Variants in DUSP19 observed in about 807,000 individuals in gnomAD.
The protein encoded by DUSP19 is dual specificity phosphatase 19.
Under a neutral mutation model 16.6 loss-of-function variants are expected in DUSP19, and 14 were observed. That is an observed-to-expected ratio of 0.84 (90% CI 0.56 to 1.32). The LOEUF is 1.32. Ranked by LOEUF, DUSP19 falls within the 40% of genes most tolerant of loss-of-function variation. The pLI is 0.00. For synonymous variants in DUSP19, 81 were observed against 90.5 expected, an observed-to-expected ratio of 0.90 and a Z score of 0.59; for missense variants, 258 against 255.9, an observed-to-expected ratio of 1.01 and a Z score of -0.06.
At position 183,095,913 on chromosome 2, in the gene DUSP19, A is replaced by G; in HGVS notation, c.*255A>G. ...AAGGGAAAATAACAAAGTGTTAGTA[A>G]TCATTGCTTTCTGTAGAAGAAAAAG... On this transcript the variant is annotated 3_prime_UTR_variant, in exon 4 of 4. Coordinates refer to ENST00000354221, the MANE Select transcript of DUSP19 (RefSeq NM_080876.4). 3.7e-6 allele frequency: 1 copy of G among 267,252 alleles called. No individual in the cohort carries two copies. Among genetic ancestry groups the G allele is most frequent in the East Asian group, 6.5e-5 (1 of 15,412 alleles). The allele number at this position is 267,252 out of a possible 1,614,324, so 16.6% of individuals were successfully genotyped here.
chr2:183,086,958 A>G (rs1475575682), intron 2 of DUSP19, 82 bp from the exon 3 acceptor site: 4 of 1,371,458 alleles, frequency 2.9e-6, no homozygotes, highest in East Asian at 2.3e-5. Flanking sequence ...CTTTCTTGTT[A>G]TAGATATCAA....
At position 183,087,127 on chromosome 2, in the gene DUSP19, C is replaced by T. The variant is rs200813256; in HGVS notation, c.361C>T (p.Pro121Ser). 2 of 1,613,378 alleles carry T rather than the reference C, an allele frequency of 1.2e-6. No individual in the cohort carries two copies. The highest frequency in any genetic ancestry group is 4.5e-5 in the East Asian group (2 of 44,796). The part of the protein sequence containing the change: ...TYKSISILDL[P>S]ETNILSYFPE... ...TAAGAGCATTTCTATATTGGATCTGCCTGAAACCAACATCCTGTCTTATTT... is the reference window on the plus strand; with the variant it reads ...TAAGAGCATTTCTATATTGGATCTGTCTGAAACCAACATCCTGTCTTATTT... The change falls in exon 3 of 4, where the codon CCT (proline) becomes TCT (serine). Residue 121 changes from proline to serine, a missense_variant. Pro to Ser is a moderately conservative substitution (Grantham distance 74). Transcript: ENST00000354221.
Position 183,095,723 on chromosome 2 carries a change from C to CT in DUSP19, c.*71dup. ...ATTGACTTCTATAGCCATCTTTTCC[C>CT]TTTTTTGGAGAGTAGACTAGCAAAA... is the stretch of plus-strand genomic sequence containing the variant. On this transcript the variant is annotated 3_prime_UTR_variant, in exon 4 of 4. Transcript: ENST00000354221. 1.5e-6 allele frequency: 2 copies of CT among 1,350,704 alleles called. No homozygotes were observed. The highest frequency in any genetic ancestry group is 2.0e-6 in the Non-Finnish European group (2 of 979,842). 83.7% of individuals were successfully genotyped at this position (1,350,704 alleles called of 1,614,324 possible).
At chr2:183,094,308 G>T (rs556554080) in intron 3 of DUSP19, among the ~76,000 whole-genome samples, 1 of 152,244 alleles carries the variant, frequency 6.6e-6, no homozygotes, top group African/African-American at 2.4e-5. Context: ...ATAATCCAAT[G>T]AGTCATAACA....
rs778809224 is a variant in DUSP19 at position 183,087,171 on chromosome 2, T to C, written c.405T>C (p.Phe135=). Residue 135 remains phenylalanine (F), a synonymous_variant, in exon 3 of 4, where the codon TTT becomes TTC. Coordinates refer to ENST00000354221, the MANE Select transcript of DUSP19 (RefSeq NM_080876.4). ...ILSYFPECFE[F]IEEAKRKDGV... is the part of the protein sequence containing the mutation. ...CTTATTTTCCAGAATGTTTTGAATTTATTGAAGAAGCAAAAAGAAAAGTGA... is the reference window on the plus strand; with the variant it reads ...CTTATTTTCCAGAATGTTTTGAATTCATTGAAGAAGCAAAAAGAAAAGTGA... 5 of 1,612,748 alleles carry C rather than the reference T, an allele frequency of 3.1e-6. No homozygotes were observed. Among genetic ancestry groups the C allele is most frequent in the Middle Eastern group, 1.7e-4 (1 of 6,054 alleles).
intron 2 of DUSP19, among the ~76,000 whole-genome samples, chr2:183,085,489 G>C (rs1170547418): frequency 1.3e-5 from 2 of 152,092 alleles, no homozygotes; most frequent in Non-Finnish European, 2.9e-5. Context: ...CTTGGTGACA[G>C]AGAGGTTGTT....
chr2:183,080,466 A>C (rs1301817008), intron 1 of DUSP19, among the ~76,000 whole-genome samples: 1 of 152,250 alleles, frequency 6.6e-6, no homozygotes, highest in African/African-American at 2.4e-5. Flanking sequence ...TCACATTTAC[A>C]GTGAAAAAGT....
In DUSP19 at chr2:183,098,486, T is replaced by A. The variant is rs986585763; in HGVS notation, c.*2828T>A. The A allele has an allele frequency of 6.6e-6, 1 of 152,240 alleles. No individual in the cohort carries two copies. The highest frequency in any genetic ancestry group is 1.5e-5 in the Non-Finnish European group (1 of 68,036). 9.4% of individuals were successfully genotyped at this position (152,240 alleles called of 1,614,324 possible). ...CCTAGTTATTTTAAAAAAAGAACTT[T>A]ATGATTACGGTCCTCTTTCTCACAT... On this transcript the variant is annotated 3_prime_UTR_variant, in exon 4 of 4. Coordinates refer to ENST00000354221, the MANE Select transcript of DUSP19 (RefSeq NM_080876.4).
chr2:183,084,432 A>AC (rs910869617), intron 2 of DUSP19, among the ~76,000 whole-genome samples: 1 of 152,094 alleles, frequency 6.6e-6, no homozygotes, highest in African/African-American at 2.4e-5. Flanking sequence ...ATCTCAAAAA[A>AC]AAAAAAGAAA....
chr2:183,085,284 T>C (rs1428516421), intron 2 of DUSP19, among the ~76,000 whole-genome samples: 2 of 152,062 alleles, frequency 1.3e-5, no homozygotes, highest in African/African-American at 4.8e-5. Context: ...TTGAGGAATA[T>C]CACCCTATAT....
rs1023583906 is a variant in DUSP19, at chr2:183,079,117, T to C, written c.184T>C (p.Ser62Pro). The C allele has an allele frequency of 3.1e-6, 5 of 1,613,910 alleles. No homozygotes were observed. The African/African-American group carries it at 6.7e-5, about 22-fold the overall frequency. ...TTGTGGTTATGTGCAGGACCTTAGCTCGGACCTGCAAGTTGGCGTTATTAA... is the reference window on the plus strand; with the variant it reads ...TTGTGGTTATGTGCAGGACCTTAGCCCGGACCTGCAAGTTGGCGTTATTAA... The part of the protein sequence containing the change: ...GGCGYVQDLS[S>P]DLQVGVIKPW... Residue 62 changes from serine (S) to proline (P), a missense_variant, in exon 1 of 4, where the codon TCG becomes CCG. Ser to Pro is a moderately conservative substitution (Grantham distance 74, BLOSUM62 -1). Coordinates refer to ENST00000354221, the MANE Select transcript of DUSP19 (RefSeq NM_080876.4).
At chr2:183,083,080 T>TG (rs1699615208) in intron 1 of DUSP19, among the ~76,000 whole-genome samples, 1 of 137,286 alleles carries the variant, frequency 7.3e-6, no homozygotes, top group Non-Finnish European at 1.7e-5. Flanking sequence ...TAAAAAAAAT[T>TG]TTTTTTCTAT....
At chr2:183,091,088 A>G (rs1018162537) in intron 3 of DUSP19, among the ~76,000 whole-genome samples, 2 of 152,136 alleles carry the variant, frequency 1.3e-5, no homozygotes, top group Non-Finnish European at 2.9e-5. Flanking sequence ...ATCATTTAAA[A>G]TTTTTGCACA....
chr2:183,082,814 G>A (rs1311509606), intron 1 of DUSP19, among the ~76,000 whole-genome samples: 7 of 133,186 alleles, frequency 5.3e-5, no homozygotes, highest in Admixed American at 1.5e-4. Context: ...CCTTTTGTTC[G>A]TTCGTTCGTT....
Position 183,095,439 on chromosome 2 carries a change from G to A in DUSP19, c.435G>A (p.Val145=). ...TGTTTTTTTTTTTGTAGGATGGAGT[G>A]GTTCTTGTTCATTGTAATGCAGGCG... ...FIEEAKRKDG[V]VLVHCNAGVS... Residue 145 remains valine, a synonymous_variant, in exon 4 of 4, where the codon GTG becomes GTA. Coordinates refer to ENST00000354221, the MANE Select transcript of DUSP19 (RefSeq NM_080876.4). 6.2e-7 allele frequency: 1 copy of A among 1,601,608 alleles called. No homozygotes were observed. The highest frequency in any genetic ancestry group is 1.7e-4 in the Middle Eastern group (1 of 6,008).
chr2:183,094,429 A>G (rs1699770863), intron 3 of DUSP19, among the ~76,000 whole-genome samples: 1 of 152,166 alleles, frequency 6.6e-6, no homozygotes. Context: ...GAAATGAAGT[A>G]ACTAAAATGT....
intron 3 of DUSP19, among the ~76,000 whole-genome samples, chr2:183,087,840 T>C (rs936623644): frequency 2.0e-5 from 3 of 152,220 alleles, no homozygotes; most frequent in Non-Finnish European, 2.9e-5. Context: ...TCAGGTTTAA[T>C]TGAACTCTGG....
intron 3 of DUSP19, among the ~76,000 whole-genome samples, chr2:183,088,250 T>C (rs1239607295): frequency 1.3e-5 from 2 of 152,166 alleles, no homozygotes; most frequent in African/African-American, 4.8e-5. Flanking sequence ...CCATTCTAGG[T>C]TTGTGTGAGT....
chr2:183,086,838 A>G (rs1303895236), intron 2 of DUSP19, among the ~76,000 whole-genome samples: 3 of 146,732 alleles, frequency 2.0e-5, no homozygotes, highest in Non-Finnish European at 3.0e-5. Context: ...GATGATAATA[A>G]TAAGTTAAAA....
Sources: gnomAD v4.1 joint callset for allele counts (sites outside exome capture counted in the v4.1 genomes callset) on GRCh38, gnomAD v4.1.1 for gene constraint, MANE v1.5 for transcripts, NCBI Gene and HGNC (gene_info 2026-07-23, HGNC 2026-07-21) for gene names.